ATP10B: variants seen among roughly 807,000 people sequenced by gnomAD.
ATP10B encodes the protein ATPase phospholipid transporting 10B (putative).
A neutral mutation model predicts 141.2 loss-of-function variants in ATP10B; 122 were observed. The ratio of observed to expected loss-of-function variants is 0.86; its 90% CI spans 0.75 to 1.00. ATP10B has a LOEUF of 1.00. ATP10B is among the 50% of genes least tolerant of loss of function. ATP10B has a pLI of 0.00. For missense variants in ATP10B, 1,876 were observed against 1,825.3 expected, an observed-to-expected ratio of 1.03 and a Z score of -0.51; for synonymous variants, 685 against 692.0, an observed-to-expected ratio of 0.99 and a Z score of 0.16.
intron 1 of ATP10B, among the ~76,000 whole-genome samples, chr5:160,789,764 G>T (rs1486908414): frequency 6.6e-6 from 1 of 152,150 alleles, no homozygotes; most frequent in South Asian, 2.1e-4. Flanking sequence ...GTGGAGGTGA[G>T]ACCTAGGTTC....
chr5:160,777,125 G>A (rs1327369316), intron 2 of ATP10B, among the ~76,000 whole-genome samples: 3 of 152,324 alleles, frequency 2.0e-5, no homozygotes, highest in Middle Eastern at 3.4e-3. Context: ...GAGGAAAGAC[G>A]ACCAGAGTAA....
chr5:160,573,586 C>T (rs1017323168), intron 24 of ATP10B, among the ~76,000 whole-genome samples: 2 of 152,138 alleles, frequency 1.3e-5, no homozygotes, highest in Non-Finnish European at 2.9e-5. Flanking sequence ...TTAGTGGTGA[C>T]ATTAGATTCT....
intron 7 of ATP10B, among the ~76,000 whole-genome samples, chr5:160,663,576 G>T (rs1762104390): frequency 6.6e-6 from 1 of 152,118 alleles, no homozygotes; most frequent in Non-Finnish European, 1.5e-5. Context: ...ACTCATAGAT[G>T]GGAATTGAAC....
At chr5:160,827,615 A>G (rs1428497493) in intron 1 of ATP10B, among the ~76,000 whole-genome samples, 1 of 152,030 alleles carries the variant, frequency 6.6e-6, no homozygotes, top group African/African-American at 2.4e-5. Flanking sequence ...GTTTGTTGCA[A>G]TGGCTTTTGG....
the ATP10B span, among the ~76,000 whole-genome samples, chr5:160,878,110 T>C: frequency 6.7e-6 from 1 of 150,306 alleles, no homozygotes; most frequent in Non-Finnish European, 1.5e-5. Context: ...GCTGGAGGCA[T>C]CACACTACCT....
intron 2 of ATP10B, among the ~76,000 whole-genome samples, chr5:160,717,993 G>A (rs115373265): frequency 8.9e-4 from 135 of 152,300 alleles, no homozygotes; most frequent in Middle Eastern, 3.4e-3. Flanking sequence ...CAGTTGGGGG[G>A]CCACAGAGGG....
the ATP10B span, among the ~76,000 whole-genome samples, chr5:160,867,604 T>C: frequency 6.6e-6 from 1 of 152,142 alleles, no homozygotes. Context: ...CATGTATCCA[T>C]ATGATATTTT....
chr5:160,669,043 C>G (rs535316972), intron 7 of ATP10B, among the ~76,000 whole-genome samples: 4 of 152,170 alleles, frequency 2.6e-5, no homozygotes, highest in Admixed American at 2.6e-4. Context: ...TTCCTTCTCC[C>G]AAATCCTCTG....
intron 1 of ATP10B, among the ~76,000 whole-genome samples, chr5:160,841,059 A>C (rs908896638): frequency 2.6e-5 from 4 of 152,172 alleles, no homozygotes; most frequent in Admixed American, 2.6e-4. Flanking sequence ...CTATACATGC[A>C]TCTGTCTTTC....
intron 9 of ATP10B, among the ~76,000 whole-genome samples, chr5:160,642,498 C>A (rs571019331): frequency 6.6e-6 from 1 of 152,112 alleles, no homozygotes; most frequent in African/African-American, 2.4e-5. Context: ...CATTTGGCAA[C>A]GTCTTGAGAA....
chr5:160,849,497 C>A (rs186216132), intron 1 of ATP10B, among the ~76,000 whole-genome samples: 201 of 152,174 alleles, frequency 1.3e-3, no homozygotes, highest in African/African-American at 4.5e-3. Flanking sequence ...ACGTTTAAGA[C>A]AGTACTTAAT....
chr5:160,889,607 A>T, the ATP10B span, among the ~76,000 whole-genome samples: 2 of 152,220 alleles, frequency 1.3e-5, no homozygotes, highest in African/African-American at 2.4e-5. Flanking sequence ...AAGACACATC[A>T]GTGGGCACAA....
intron 2 of ATP10B, among the ~76,000 whole-genome samples, chr5:160,748,433 C>A (rs550815288): frequency 4.7e-4 from 71 of 152,294 alleles, no homozygotes; most frequent in African/African-American, 1.7e-3. Context: ...TAGCATTTCC[C>A]AATTAAAACC....
intron 22 of ATP10B, among the ~76,000 whole-genome samples, chr5:160,598,368 C>T (rs1358227831): frequency 6.6e-6 from 1 of 151,818 alleles, no homozygotes; most frequent in African/African-American, 2.4e-5. Context: ...AGGGGAACAT[C>T]ACACTCTGGG....
chr5:160,782,463 ACACACACACACACACACT>A lies in ATP10B; in HGVS notation c.-331+3078_-331+3095del, dbSNP rs1186320429. Reference sequence around the variant, plus strand: ...TACACACACACACACACACACACACACACACACACACACACACTCACTCACTTTAGGAGCCCAGCCTCA... The same window carrying A: ...TACACACACACACACACACACACACACACTCACTTTAGGAGCCCAGCCTCA... On this transcript the variant is annotated intron_variant, in intron 2 of 25. Transcript: ENST00000327245. Among the ~76,000 whole-genome samples the A allele has an allele frequency of 4.6e-5, 7 of 150,606 alleles. No homozygotes were observed. The South Asian group carries it at 1.3e-3, about 27-fold the overall frequency.
chr5:160,796,607 C>A (rs180881077), intron 1 of ATP10B, among the ~76,000 whole-genome samples: 3 of 152,190 alleles, frequency 2.0e-5, no homozygotes, highest in Non-Finnish European at 2.9e-5. Flanking sequence ...AAGCTGGTCG[C>A]GCCCTTCCAA....
the ATP10B span, among the ~76,000 whole-genome samples, chr5:160,886,226 G>T: frequency 6.6e-6 from 1 of 152,180 alleles, no homozygotes; most frequent in African/African-American, 2.4e-5. Flanking sequence ...GGTGGATAAG[G>T]CAAAATGACA....
chr5:160,841,865 C>CA (rs1294612091), intron 1 of ATP10B, among the ~76,000 whole-genome samples: 1 of 152,160 alleles, frequency 6.6e-6, no homozygotes, highest in African/African-American at 2.4e-5. Flanking sequence ...GCTGGGATTA[C>CA]AGGTGCGTGC....
Position 160,606,904 on chromosome 5 carries a change from G to A in ATP10B, c.3021C>T (p.Phe1007=), listed in dbSNP as rs1177112697. The change falls in exon 19 of 26, where the codon TTC becomes TTT. Residue 1007 remains phenylalanine (F), a synonymous_variant. Transcript: ENST00000327245. ...VIDGKTLNAI[F]QGKLEKKFLE... ...GAAACTTCTTCTCTAGCTTTCCCTG[G>A]AAGATGGCATTCAATGTCTTCCCAT... 1.2e-6 allele frequency: 2 copies of A among 1,614,026 alleles called. No homozygotes were observed. Among genetic ancestry groups the A allele is most frequent in the Non-Finnish European group, 1.7e-6 (2 of 1,180,022 alleles).
Sources: gnomAD v4.1 joint callset for allele counts (sites outside exome capture counted in the v4.1 genomes callset) on GRCh38, gnomAD v4.1.1 for gene constraint, MANE v1.5 for transcripts, NCBI Gene and HGNC (gene_info 2026-07-23, HGNC 2026-07-21) for gene names.